The following OTOG variants were observed in gnomAD, a reference collection of about 807,000 sequenced individuals.
OTOG encodes the protein otogelin.
In OTOG, 296 loss-of-function variants were observed where a neutral mutation model predicts 313.8. That is an observed-to-expected ratio of 0.94 (90% CI 0.86 to 1.04). OTOG has a LOEUF of 1.04. OTOG is among the 50% of genes least tolerant of loss of function. The probability of loss-of-function intolerance (pLI) is 0.00; values close to 1 mark genes in which losing one functional copy is unlikely to be tolerated. For synonymous variants in OTOG, 1,533 were observed against 1,554.9 expected, an observed-to-expected ratio of 0.99 and a Z score of 0.33; for missense variants, 3,948 against 3,840.1, an observed-to-expected ratio of 1.03 and a Z score of -0.74.
At chr11:17,594,834 G>A (rs561324025) in intron 28 of OTOG, among the ~76,000 whole-genome samples, 3 of 152,288 alleles carry the variant, frequency 2.0e-5, no homozygotes, top group East Asian at 3.9e-4. Flanking sequence ...AGAGGGGACT[G>A]GGCCAAGAGA....
At chr11:17,628,268 T>C (rs1449276115) in intron 39 of OTOG, among the ~76,000 whole-genome samples, 1 of 152,194 alleles carries the variant, frequency 6.6e-6, no homozygotes, top group African/African-American at 2.4e-5. Context: ...GTTTCCATTA[T>C]CATTTGTTTC....
chr11:17,557,132 A>G lies in OTOG; in HGVS notation c.674A>G (p.His225Arg), dbSNP rs759531786. The change falls in exon 8 of 56, where the codon CAT (histidine) becomes CGT (arginine). Residue 225 changes from histidine to arginine, a missense_variant. His to Arg is a conservative substitution (Grantham distance 29). Transcript: ENST00000399397. ...GTGCCCTGCAGGGTCCAACTGCCAC[A>G]TGTCATGGGGAGCGCGCGTCTGCAG... ...THGGMRVQLP[H>R]VMGSARLQQL... 5.8e-6 allele frequency: 9 copies of G among 1,550,064 alleles called. No individual in the cohort carries two copies. Among genetic ancestry groups the G allele is most frequent in the Non-Finnish European group, 7.8e-6 (9 of 1,146,984 alleles).
Position 17,611,319 on chromosome 11 carries a change from AC to A in OTOG, c.6021del (p.Thr2008GlnfsTer11), listed in dbSNP as rs1382180651. ...HLAAEPVDEA[T>X]TEPSGRSAPA... is the part of the protein sequence containing the mutation. The stretch of plus-strand genomic sequence containing the variant: ...GGCAGCAGAGCCGGTGGACGAGGCC[AC>A]CACAGAACCATCTGGGCGCTCAGCC... On this transcript the variant is annotated frameshift_variant, in exon 36 of 56. Transcript: ENST00000399397. LOFTEE classifies it high-confidence loss of function. 18 of 1,550,382 alleles carry A rather than the reference AC, an allele frequency of 1.2e-5. No individual in the cohort carries two copies. The highest frequency in any genetic ancestry group is 1.5e-5 in the Non-Finnish European group (17 of 1,146,972).
chr11:17,551,856 G>A lies in OTOG; in HGVS notation c.217-144G>A, dbSNP rs941150878. 71 of 684,094 alleles carry A rather than the reference G, an allele frequency of 1.0e-4. No individual in the cohort carries two copies. The East Asian group carries it at 1.6e-3, about 16-fold the overall frequency. 42.4% of individuals were successfully genotyped at this position (684,094 alleles called of 1,614,324 possible). A position where few individuals can be genotyped will look rare whatever the true frequency, so the allele number is the denominator to read the frequency against. On this transcript the variant is annotated intron_variant, in intron 3 of 55. Coordinates refer to ENST00000399397, the MANE Select transcript of OTOG (RefSeq NM_001292063.2). ...CCTCTGCCTCTCGAGGGGGCCAGGCGAGGAGGAGTGGCTGGGGCACTGAGG... is the reference window on the plus strand; with the variant it reads ...CCTCTGCCTCTCGAGGGGGCCAGGCAAGGAGGAGTGGCTGGGGCACTGAGG...
In OTOG at chr11:17,609,761, G is replaced by A. The variant is rs542492676; in HGVS notation, c.4461G>A (p.Gln1487=). ...TPSDEEPQLS[Q]ESPRTPTHRP... is the part of the protein sequence containing the mutation. ...GTGATGAGGAGCCACAGCTGTCACA[G>A]GAAAGCCCCAGGACCCCCACCCACA... Residue 1487 remains glutamine (Q), a synonymous_variant, in exon 36 of 56, where the codon CAG becomes CAA. Coordinates refer to ENST00000399397, the MANE Select transcript of OTOG (RefSeq NM_001292063.2). 14 of 1,549,098 alleles carry A rather than the reference G, an allele frequency of 9.0e-6. No homozygotes were observed. The highest frequency in any genetic ancestry group is 1.7e-4 in the Middle Eastern group (1 of 5,974).
At chr11:17,582,309 CACACACACAT>C (rs1027565081) in intron 23 of OTOG, among the ~76,000 whole-genome samples, 10 of 152,254 alleles carry the variant, frequency 6.6e-5, no homozygotes, top group African/African-American at 2.4e-4. Context: ...TATATACAAA[CACACACACAT>C]ACACACTCAC....
intron 24 of OTOG, 140 bp downstream of exon 24, chr11:17,586,721 T>C (rs1204842374): frequency 2.2e-6 from 1 of 462,064 alleles, no homozygotes; most frequent in African/African-American, 2.0e-5. Flanking sequence ...GTGTGTGGTA[T>C]AGGGGTTTGT....
intron 11 of OTOG, 76 bp downstream of exon 11, chr11:17,559,237 T>G (rs1201558166): frequency 8.8e-7 from 1 of 1,136,394 alleles, no homozygotes; most frequent in Non-Finnish European, 1.2e-6. Context: ...CTCAATGTCT[T>G]GTCCTGCTCA....
intron 3 of OTOG, 95 bp from the exon 4 acceptor site, chr11:17,551,905 G>A: frequency 9.1e-7 from 1 of 1,103,982 alleles, no homozygotes; most frequent in Non-Finnish European, 1.3e-6. Flanking sequence ...CCCTCTGGGA[G>A]ATGAACAAAG....
intron 33 of OTOG, among the ~76,000 whole-genome samples, chr11:17,607,083 T>G (rs1239788384): frequency 6.6e-6 from 1 of 152,192 alleles, no homozygotes; most frequent in East Asian, 1.9e-4. Context: ...CTCCTTGACT[T>G]GGTTTCTTCA....
At chr11:17,562,453 A>G (rs1003921714) in intron 15 of OTOG, among the ~76,000 whole-genome samples, 1 of 152,204 alleles carries the variant, frequency 6.6e-6, no homozygotes, top group Non-Finnish European at 1.5e-5. Flanking sequence ...AAAAGAATGA[A>G]TGTTCTAGGA....
intron 39 of OTOG, among the ~76,000 whole-genome samples, chr11:17,615,298 GT>G (rs1431447847): frequency 6.6e-6 from 1 of 152,144 alleles, no homozygotes; most frequent in Non-Finnish European, 1.5e-5. Flanking sequence ...AGTCTGTAGA[GT>G]GTTTTTCCAT....
chr11:17,593,933 C>T, intron 27 of OTOG, 114 bp from the exon 28 acceptor site: 1 of 1,442,332 alleles, frequency 6.9e-7, no homozygotes, highest in African/African-American at 1.4e-5. Flanking sequence ...CAAACTGTGA[C>T]CTCAGCAGTG....
chr11:17,551,311 G>A (rs1432680839), intron 3 of OTOG, among the ~76,000 whole-genome samples: 2 of 152,162 alleles, frequency 1.3e-5, no homozygotes, highest in African/African-American at 4.8e-5. Context: ...GAACACCCCT[G>A]TTGTTATATA....
chr11:17,574,891 A>T lies in OTOG; in HGVS notation c.2465A>T (p.Gln822Leu). Residue 822 changes from glutamine to leucine, a missense_variant, in exon 20 of 56, where the codon CAG (glutamine) becomes CTG (leucine). Physicochemically the swap from Gln to Leu is moderately radical, Grantham distance 113. Coordinates refer to ENST00000399397, the MANE Select transcript of OTOG (RefSeq NM_001292063.2). ...ACPPDTYLDTQADLCVPRNQC... is the reference protein window; with the variant it reads ...ACPPDTYLDTLADLCVPRNQC... The stretch of plus-strand genomic sequence containing the variant: ...CCACCGGACACCTATCTGGACACCC[A>T]GGCTGACCTCTGTGTCCCCCGGTGA... 6.6e-7 allele frequency: 1 copy of T among 1,526,666 alleles called. No homozygotes were observed. Among genetic ancestry groups the T allele is most frequent in the South Asian group, 1.2e-5 (1 of 80,186 alleles). 94.6% of individuals were successfully genotyped at this position (1,526,666 alleles called of 1,614,324 possible). A position where few individuals can be genotyped will look rare whatever the true frequency, so the allele number is the denominator to read the frequency against.
chr11:17,591,657 C>A (rs1012321042), intron 25 of OTOG, 69 bp downstream of exon 25: 3 of 1,521,742 alleles, frequency 2.0e-6, no homozygotes, highest in Non-Finnish European at 2.7e-6. Context: ...GTGCTCTGGA[C>A]TCCAGTTTGA....
Position 17,587,313 on chromosome 11 carries a change from G to A in OTOG, c.2867+732G>A, listed in dbSNP as rs969257758. ...GCCTGTTCTGGGCCACACAGAGGTG[G>A]GTAGGCAGTGGGTAGACTCAGCTTT... On this transcript the variant is annotated intron_variant, in intron 24 of 55. Coordinates refer to ENST00000399397, the MANE Select transcript of OTOG (RefSeq NM_001292063.2). Among the ~76,000 whole-genome samples the A allele has an allele frequency of 6.6e-5, 10 of 152,214 alleles. No individual in the cohort carries two copies. The South Asian group carries it at 1.9e-3, about 28-fold the overall frequency.
intron 39 of OTOG, among the ~76,000 whole-genome samples, chr11:17,615,006 T>C (rs546237118): frequency 6.6e-6 from 1 of 152,340 alleles, no homozygotes; most frequent in African/African-American, 2.4e-5. Context: ...CCAGGAGCTT[T>C]GCATCCTTGC....
At position 17,578,468 on chromosome 11, in the gene OTOG, C is replaced by T; in HGVS notation, c.2701C>T (p.Leu901=). ...SRERTCEQQL[L]NLSVSARGPC... Reference sequence around the variant, plus strand: ...GGAGAGGACGTGTGAGCAGCAACTGCTGAACCTGAGCGTGTCAGCCCGTGG... The same window carrying T: ...GGAGAGGACGTGTGAGCAGCAACTGTTGAACCTGAGCGTGTCAGCCCGTGG... Residue 901 remains leucine, a synonymous_variant, in exon 23 of 56, where the codon CTG becomes TTG. Coordinates refer to ENST00000399397, the MANE Select transcript of OTOG (RefSeq NM_001292063.2). 1.3e-6 allele frequency: 2 copies of T among 1,541,288 alleles called. No homozygotes were observed. Among genetic ancestry groups the T allele is most frequent in the Non-Finnish European group, 1.7e-6 (2 of 1,146,892 alleles).
Sources: gnomAD v4.1 joint callset for allele counts (sites outside exome capture counted in the v4.1 genomes callset) on GRCh38, gnomAD v4.1.1 for gene constraint, MANE v1.5 for transcripts, NCBI Gene and HGNC (gene_info 2026-07-23, HGNC 2026-07-21) for gene names.